SVEP1: variants seen among roughly 807,000 people sequenced by gnomAD.
SVEP1 encodes the protein sushi, von Willebrand factor type A, EGF and pentraxin domain-containing protein 1.
SVEP1 carries 164 observed loss-of-function variants against 367.3 expected under a neutral mutation model. The ratio of observed to expected loss-of-function variants is 0.45; its 90% CI spans 0.39 to 0.51. SVEP1 has a LOEUF of 0.51. SVEP1 is among the 20% of genes least tolerant of loss of function. The pLI is 0.00. For missense variants in SVEP1, 4,117 were observed against 4,425.3 expected, an observed-to-expected ratio of 0.93 and a Z score of 1.98; for synonymous variants, 1,666 against 1,611.6, an observed-to-expected ratio of 1.03 and a Z score of -0.81.
chr9:110,532,883 G>A (rs372380601), intron 3 of SVEP1, among the ~76,000 whole-genome samples: 1 of 152,078 alleles, frequency 6.6e-6, no homozygotes, highest in African/African-American at 2.4e-5. Context: ...ATTGCTTCCT[G>A]TAGAGCAACA....
At chr9:110,381,529 T>C (rs1827436683) in intron 43 of SVEP1, among the ~76,000 whole-genome samples, 1 of 152,194 alleles carries the variant, frequency 6.6e-6, no homozygotes, top group Non-Finnish European at 1.5e-5. Flanking sequence ...TGAGTTCTAA[T>C]TTTTGATTGA....
At chr9:110,488,649 G>A (rs1390612437) in intron 9 of SVEP1, among the ~76,000 whole-genome samples, 1 of 151,856 alleles carries the variant, frequency 6.6e-6, no homozygotes, top group Non-Finnish European at 1.5e-5. Context: ...ATCACTTGAG[G>A]CCAGGAGTTT....
chr9:110,438,334 G>A (rs1296944224), intron 27 of SVEP1, among the ~76,000 whole-genome samples: 1 of 151,788 alleles, frequency 6.6e-6, no homozygotes, highest in Non-Finnish European at 1.5e-5. Context: ...GGGATTACAG[G>A]TATGCACCAC....
intron 22 of SVEP1, among the ~76,000 whole-genome samples, chr9:110,451,965 T>C (rs1359483458): frequency 6.6e-6 from 1 of 152,164 alleles, no homozygotes; most frequent in Non-Finnish European, 1.5e-5. Flanking sequence ...GTCTGTGACA[T>C]TGCCAAGGAC....
chr9:110,438,413 C>G (rs1013521111), intron 27 of SVEP1, among the ~76,000 whole-genome samples: 2 of 151,906 alleles, frequency 1.3e-5, no homozygotes, highest in East Asian at 1.9e-4. Context: ...GCATGTTGAT[C>G]AGGCTGGTCT....
chr9:110,425,346 A>G (rs1292622538), intron 36 of SVEP1, among the ~76,000 whole-genome samples: 1 of 152,214 alleles, frequency 6.6e-6, no homozygotes, highest in East Asian at 1.9e-4. Context: ...ATCATACTTC[A>G]TATATATAAC....
At chr9:110,558,761 T>G (rs145725589) in intron 1 of SVEP1, among the ~76,000 whole-genome samples, 2 of 152,244 alleles carry the variant, frequency 1.3e-5, no homozygotes, top group Admixed American at 6.5e-5. Flanking sequence ...TAAAGTTTAG[T>G]ACAAATTTTA....
Position 110,407,472 on chromosome 9 carries a change from G to A in SVEP1, c.8128C>T (p.Pro2710Ser). 1.2e-6 allele frequency: 2 copies of A among 1,613,982 alleles called. No individual in the cohort carries two copies. Among genetic ancestry groups the A allele is most frequent in the Non-Finnish European group, 1.7e-6 (2 of 1,179,888 alleles). ...TCACATTCAATTGAAATGCAGGATGGTGCACTGCCATTCCAAGTTCCATCT... is the reference window on the plus strand; with the variant it reads ...TCACATTCAATTGAAATGCAGGATGATGCACTGCCATTCCAAGTTCCATCT... ...QEDGTWNGSAPSCISIECDLP... is the reference protein window; with the variant it reads ...QEDGTWNGSASSCISIECDLP... Residue 2710 changes from proline (P) to serine (S), a missense_variant, in exon 38 of 48, where the codon CCA becomes TCA. This residue lies in a region of SVEP1 where 1,765 missense variants were observed against 1,781.1 expected (regional missense o/e 0.99). Coordinates refer to ENST00000374469, the MANE Select transcript of SVEP1 (RefSeq NM_153366.4).
chr9:110,490,935 T>A (rs1311463129), intron 8 of SVEP1, among the ~76,000 whole-genome samples: 1 of 152,004 alleles, frequency 6.6e-6, no homozygotes, highest in East Asian at 1.9e-4. Context: ...CACTGTAGTT[T>A]TAAAAATATT....
chr9:110,368,800 G>T (rs1483194991), intron 47 of SVEP1, among the ~76,000 whole-genome samples: 1 of 152,028 alleles, frequency 6.6e-6, no homozygotes, highest in African/African-American at 2.4e-5. Flanking sequence ...GCTGTTTAGG[G>T]TTCAGTTTAT....
chr9:110,493,233 C>G (rs548279705), intron 8 of SVEP1, among the ~76,000 whole-genome samples: 1 of 152,144 alleles, frequency 6.6e-6, no homozygotes, highest in Admixed American at 6.5e-5. Context: ...GGTGCTTCTA[C>G]AGGGCCTCCT....
At chr9:110,553,394 A>G (rs1242737074) in intron 1 of SVEP1, among the ~76,000 whole-genome samples, 1 of 152,240 alleles carries the variant, frequency 6.6e-6, no homozygotes, top group Non-Finnish European at 1.5e-5. Context: ...TTGGGGAAAT[A>G]GAGATTAAAA....
At chr9:110,554,512 A>T (rs1245309352) in intron 1 of SVEP1, among the ~76,000 whole-genome samples, 3 of 152,190 alleles carry the variant, frequency 2.0e-5, no homozygotes, top group Admixed American at 2.0e-4. Flanking sequence ...GGTCTATGGC[A>T]TGGAATGTTC....
intron 1 of SVEP1, among the ~76,000 whole-genome samples, chr9:110,556,652 G>A (rs1283152469): frequency 3.3e-5 from 5 of 151,880 alleles, no homozygotes; most frequent in African/African-American, 7.3e-5. Context: ...GTGCCACCAC[G>A]CCCAGCTAAT....
Position 110,499,041 on chromosome 9 carries a change from C to T in SVEP1, c.1681G>A (p.Asp561Asn). ...TAGCCTGACTAGTGTAGAGACCTAC[C>T]TTTACACACAGCTGCCTGAACTCCG... Reference protein sequence around the residue: ...NVGVQAAVCKDVEAPQINCPK... With the variant: ...NVGVQAAVCKNVEAPQINCPK... Residue 561 changes from aspartate (D) to asparagine (N), a missense_variant and splice_region_variant, in exon 7 of 48, where the codon GAC (aspartate) becomes AAC (asparagine). Transcript: ENST00000374469. 6.2e-7 allele frequency: 1 copy of T among 1,612,656 alleles called. No homozygotes were observed. Among genetic ancestry groups the T allele is most frequent in the Non-Finnish European group, 8.5e-7 (1 of 1,179,244 alleles).
At chr9:110,548,601 C>T (rs1384837991) in intron 2 of SVEP1, among the ~76,000 whole-genome samples, 2 of 152,074 alleles carry the variant, frequency 1.3e-5, no homozygotes, top group East Asian at 1.9e-4. Flanking sequence ...GTAACAAAAT[C>T]GGGATTTAAA....
intron 3 of SVEP1, among the ~76,000 whole-genome samples, chr9:110,518,152 G>A (rs1829830004): frequency 6.6e-6 from 1 of 152,100 alleles, no homozygotes; most frequent in South Asian, 2.1e-4. Context: ...GCCCAGCACG[G>A]TGGCTCACAT....
At chr9:110,409,049 T>A in intron 37 of SVEP1, 98 bp from the exon 38 acceptor site, 1 of 1,318,006 alleles carries the variant, frequency 7.6e-7, no homozygotes, top group Non-Finnish European at 1.0e-6. Context: ...AGGTCTATGT[T>A]AAAATGAATC....
chr9:110,449,257 C>G (rs2118606968), intron 24 of SVEP1, among the ~76,000 whole-genome samples: 1 of 152,166 alleles, frequency 6.6e-6, no homozygotes, highest in East Asian at 1.9e-4. Context: ...TCAAATACTA[C>G]TATTTTCAGC....
Sources: gnomAD v4.1 joint callset for allele counts (sites outside exome capture counted in the v4.1 genomes callset) on GRCh38, gnomAD v4.1.1 for gene constraint, gnomAD v4.1.1 regional missense constraint, MANE v1.5 for transcripts, NCBI Gene and HGNC (gene_info 2026-07-23, HGNC 2026-07-21) for gene names.